Variants in ZBED6 observed in about 807,000 individuals in gnomAD.
The protein encoded by ZBED6 is zinc finger BED domain-containing protein 6.
In ZBED6, 40 loss-of-function variants were observed where a neutral mutation model predicts 58.4. The observed-to-expected ratio is 0.68, with a 90% CI of 0.53 to 0.89. The LOEUF (loss-of-function observed/expected upper bound fraction) is 0.89, where lower values mean the gene tolerates loss of function less well. ZBED6 is among the 40% of genes least tolerant of loss of function. ZBED6 has a pLI of 0.00. For missense variants in ZBED6, 1,057 were observed against 1,003.9 expected (o/e 1.05, Z -0.71); for synonymous variants, 439 against 350.6 (o/e 1.25, Z -2.82).
At chr1:203,826,310 T>C (rs1007168218) in intron 3 of ZBED6, among the ~76,000 whole-genome samples, 1 of 151,600 alleles carries the variant, frequency 6.6e-6, no homozygotes, top group Non-Finnish European at 1.5e-5. Flanking sequence ...AGCCTATACT[T>C]TTAAAAAATA....
At chr1:203,808,863 T>C (rs12729443) in intron 1 of ZBED6, among the ~76,000 whole-genome samples, 29,000 of 152,088 alleles carry the variant, frequency 0.19, 3,293 homozygotes, top group East Asian at 0.45. Flanking sequence ...GGCGTTTTTC[T>C]GTTGTTGCCC....
intron 3 of ZBED6, among the ~76,000 whole-genome samples, chr1:203,827,681 CAAA>C (rs77923419): frequency 5.8e-5 from 5 of 86,284 alleles, no homozygotes; most frequent in Non-Finnish European, 4.9e-5. Flanking sequence ...GACTCTGTCT[CAAA>C]AAAAAAAAAA....
chr1:203,823,666 C>G (rs1679518142), intron 3 of ZBED6, among the ~76,000 whole-genome samples: 1 of 152,206 alleles, frequency 6.6e-6, no homozygotes, highest in South Asian at 2.1e-4. Flanking sequence ...TATGCTAACT[C>G]TTTTCTGCAC....
chr1:203,829,738 C>G (rs758820696), intron 5 of ZBED6, 42 bp from the exon 6 acceptor site: 1 of 1,610,342 alleles, frequency 6.2e-7, no homozygotes, highest in Non-Finnish European at 8.5e-7. Context: ...AAGCTATAGG[C>G]GTATTTTTAA....
In ZBED6 at chr1:203,831,763, C is replaced by T. The variant is rs747178787; in HGVS notation, c.*3502C>T. ...GTGGTGAGGACAGTAACTCTCTCCA[C>T]CAAACAAGGTAAGGTATAGATAGGT... On this transcript the variant is annotated 3_prime_UTR_variant, in exon 8 of 17. Coordinates refer to ENST00000550078, the Ensembl canonical transcript of ZBED6. The T allele has an allele frequency of 7.4e-6, 12 of 1,611,360 alleles. No homozygotes were observed. The highest frequency in any genetic ancestry group is 1.0e-5 in the Non-Finnish European group (12 of 1,178,632).
At chr1:203,833,797 A>C (rs1396093534) in exon 9 of ZBED6, 5 of 1,606,500 alleles carry the variant, frequency 3.1e-6, no homozygotes, top group East Asian at 4.5e-5. Context: ...TCAGGAGAAG[A>C]ACCCTTGGTT....
chr1:203,809,020 G>A (rs1673342595), intron 1 of ZBED6, among the ~76,000 whole-genome samples: 1 of 151,744 alleles, frequency 6.6e-6, no homozygotes, highest in African/African-American at 2.4e-5. Flanking sequence ...AGTAGAGACA[G>A]GATTTCACCA....
chr1:203,796,270 T>TA (rs1168058303), exon 1 of ZBED6: 1 of 396,398 alleles, frequency 2.5e-6, no homozygotes, highest in African/African-American at 2.1e-5. Flanking sequence ...GCGCTGAATT[T>TA]ACCTACTCTC....
exon 1 of ZBED6, chr1:203,796,326 A>C (rs1668486864): frequency 2.5e-6 from 1 of 398,326 alleles, no homozygotes; most frequent in Non-Finnish European, 4.4e-6. Flanking sequence ...CTCAAACTCC[A>C]CATACAGAAA....
chr1:203,809,056 C>T (rs916813020), intron 1 of ZBED6, among the ~76,000 whole-genome samples: 10 of 152,232 alleles, frequency 6.6e-5, no homozygotes, highest in African/African-American at 2.4e-4. Context: ...TCTCGAACTC[C>T]TGACCTCAGG....
At chr1:203,837,043 TC>T (rs1684567302) in intron 9 of ZBED6, among the ~76,000 whole-genome samples, 1 of 152,104 alleles carries the variant, frequency 6.6e-6, no homozygotes, top group African/African-American at 2.4e-5. Flanking sequence ...AGTGCTGTAA[TC>T]CTAGCATTTG....
At chr1:203,834,763 C>T (rs960370947) in intron 9 of ZBED6, among the ~76,000 whole-genome samples, 4 of 152,202 alleles carry the variant, frequency 2.6e-5, no homozygotes, top group African/African-American at 9.6e-5. Context: ...GATTCTCCTG[C>T]CTCAGCCTCT....
chr1:203,802,058 A>G (rs1190202990), exon 1 of ZBED6: 1 of 152,602 alleles, frequency 6.6e-6, no homozygotes, highest in Non-Finnish European at 1.5e-5. Flanking sequence ...TTTCCCTTAG[A>G]TAAAGCTTTC....
intron 3 of ZBED6, among the ~76,000 whole-genome samples, chr1:203,827,524 C>CA (rs1264095071): frequency 7.3e-5 from 11 of 151,068 alleles, no homozygotes; most frequent in African/African-American, 1.7e-4. Flanking sequence ...ACTAAAAATA[C>CA]AAAAAAAATT....
exon 10 of ZBED6, chr1:203,838,057 A>C: frequency 6.2e-7 from 1 of 1,614,154 alleles, no homozygotes; most frequent in Non-Finnish European, 8.5e-7. Flanking sequence ...ACAAAACACC[A>C]AAGAAAGGTA....
chr1:203,796,801 C>T lies in ZBED6; in HGVS notation c.-722C>T, dbSNP rs577555902. 82 of 207,302 alleles carry T rather than the reference C, an allele frequency of 4.0e-4. 1 individual carries two copies. The highest frequency in any genetic ancestry group is 1.7e-3 in the Middle Eastern group (1 of 592). 12.8% of individuals were successfully genotyped at this position (207,302 alleles called of 1,614,324 possible). On this transcript the variant is annotated 5_prime_UTR_variant, in exon 1 of 17. It introduces an in-frame stop codon into an upstream open reading frame of the 5' UTR. Transcript: ENST00000550078. The stretch of plus-strand genomic sequence containing the variant: ...TAATACAAACAGTACTTTGAAAATG[C>T]AGCATTTAACCTTGTTTTAAAATTT...
At chr1:203,827,809 A>G (rs1451491688) in intron 3 of ZBED6, among the ~76,000 whole-genome samples, 1 of 152,176 alleles carries the variant, frequency 6.6e-6, no homozygotes, top group Non-Finnish European at 1.5e-5. Context: ...TCTCAGCTTC[A>G]AGTAATAACT....
At chr1:203,840,337 A>G (rs1230268543) in exon 11 of ZBED6, 1 of 1,613,258 alleles carries the variant, frequency 6.2e-7, no homozygotes, top group East Asian at 2.2e-5. Context: ...AGGAGCGATT[A>G]GGCATGTCAG....
exon 11 of ZBED6, chr1:203,840,343 G>A (rs746466431): frequency 6.2e-7 from 1 of 1,613,390 alleles, no homozygotes. Context: ...GATTAGGCAT[G>A]TCAGCTGATC....
Sources: allele counts gnomAD v4.1 joint callset (sites outside exome capture counted in the v4.1 genomes callset), GRCh38; gene constraint gnomAD v4.1.1; transcripts MANE v1.5; gene names NCBI Gene and HGNC (gene_info 2026-07-23, HGNC 2026-07-21).